Variants in IMPG2 observed in about 807,000 individuals in gnomAD.
IMPG2 encodes the protein interphotoreceptor matrix proteoglycan 2, also known as IPM 200.
Under a neutral mutation model 129.2 loss-of-function variants are expected in IMPG2, and 91 were observed. That is an observed-to-expected ratio of 0.70 (90% CI 0.59 to 0.84). The LOEUF (loss-of-function observed/expected upper bound fraction) is 0.84, where lower values mean the gene tolerates loss of function less well. Among genes scored for constraint, IMPG2 ranks in the 40% least tolerant of loss-of-function variants. The pLI is 0.00. For missense variants in IMPG2, 1,430 were observed against 1,461.7 expected, an observed-to-expected ratio of 0.98 and a Z score of 0.35; for synonymous variants, 510 against 517.7, an observed-to-expected ratio of 0.99 and a Z score of 0.20.
At chr3:101,274,637 G>T (rs1706822180) in intron 6 of IMPG2, among the ~76,000 whole-genome samples, 1 of 152,078 alleles carries the variant, frequency 6.6e-6, no homozygotes, top group South Asian at 2.1e-4. Flanking sequence ...TCTATAAATT[G>T]GCTTAAATCC....
intron 17 of IMPG2, 21 bp from the exon 18 acceptor site, chr3:101,228,897 T>C (rs370208536): frequency 1.9e-6 from 3 of 1,564,446 alleles, no homozygotes; most frequent in East Asian, 2.2e-5. Flanking sequence ...AAAGAAACAA[T>C]AGGCCACACA....
chr3:101,227,968 T>C, intron 18 of IMPG2: 2 of 397,450 alleles, frequency 5.0e-6, no homozygotes, highest in Non-Finnish European at 1.0e-5. Context: ...CATGAATTGC[T>C]CTGATTTTTC....
intron 2 of IMPG2, among the ~76,000 whole-genome samples, chr3:101,309,080 C>T (rs1256435015): frequency 6.6e-6 from 1 of 152,186 alleles, no homozygotes; most frequent in East Asian, 1.9e-4. Context: ...CATGTGAGAC[C>T]TCCTCAGCCT....
Position 101,225,259 on chromosome 3 carries a change from T to C in IMPG2, c.*1710A>G, listed in dbSNP as rs1706207832. 6.6e-6 allele frequency: 1 copy of C among 152,252 alleles called. No individual in the cohort carries two copies. The highest frequency in any genetic ancestry group is 2.1e-4 in the South Asian group (1 of 4,836). The allele number at this position is 152,252 out of a possible 1,614,324, so 9.4% of individuals were successfully genotyped here. A position where few individuals can be genotyped will look rare whatever the true frequency, so the allele number is the denominator to read the frequency against. ...GTGTCTAATTATCCAATATTAAGAC[T>C]AGAACATGTCAATAAAATAGTGGAA... On this transcript the variant is annotated 3_prime_UTR_variant, in exon 19 of 19. Transcript: ENST00000193391.
intron 2 of IMPG2, among the ~76,000 whole-genome samples, chr3:101,315,619 A>G (rs2107145702): frequency 6.6e-6 from 1 of 152,294 alleles, no homozygotes; most frequent in Admixed American, 6.5e-5. Flanking sequence ...CTATGCAAAT[A>G]TTCACAAATC....
rs775572865 is a variant in IMPG2, at chr3:101,231,082, G to A, written c.3297C>T (p.Pro1099=). The A allele has an allele frequency of 8.1e-6, 13 of 1,613,916 alleles. No individual in the cohort carries two copies. The highest frequency in any genetic ancestry group is 5.0e-5 in the Admixed American group (3 of 59,986). ...AGGCAATAGTGATGCCTATGATCAC[G>A]GGCTCAGACACAAATTCCTCACAGT... ...GKHCEEFVSE[P]VIIGITIASV... Residue 1099 remains proline, a synonymous_variant, in exon 16 of 19, where the codon CCC becomes CCT. Coordinates refer to ENST00000193391, the MANE Select transcript of IMPG2 (RefSeq NM_016247.4).
In IMPG2 at chr3:101,242,787, C is replaced by T. The variant is rs765892957; in HGVS notation, c.2923G>A (p.Val975Ile). Residue 975 changes from valine (V) to isoleucine (I), a missense_variant, in exon 14 of 19, where the codon GTC becomes ATC. Coordinates refer to ENST00000193391, the MANE Select transcript of IMPG2 (RefSeq NM_016247.4). ...MKFANSVPPN[V>I]NNAVYMILED... is the part of the protein sequence containing the mutation. Reference sequence around the variant, plus strand: ...AGAATCATGTACACCGCATTGTTGACGTTAGGAGGGACAGAATTGGCAAAC... The same window carrying T: ...AGAATCATGTACACCGCATTGTTGATGTTAGGAGGGACAGAATTGGCAAAC... 1.5e-5 allele frequency: 24 copies of T among 1,613,822 alleles called. No individual in the cohort carries two copies. In the Admixed American group the frequency reaches 1.5e-4, roughly 10 times the overall value.
Position 101,223,189 on chromosome 3 carries a change from A to T in IMPG2, c.*3780T>A, listed in dbSNP as rs511575. 121,866 of 152,206 alleles carry T rather than the reference A, an allele frequency of 0.8. 48,814 individuals carry two copies. Among genetic ancestry groups the T allele is most frequent in the Admixed American group, 0.83 (12,672 of 15,300 alleles). The allele number at this position is 152,206 out of a possible 1,614,324, so 9.4% of individuals were successfully genotyped here. ...AATACAATGCAATGGATTTGAGAAT[A>T]GTGACCGTCACATCATTTTTCTGCA... On this transcript the variant is annotated 3_prime_UTR_variant, in exon 19 of 19. Transcript: ENST00000193391.
At position 101,244,691 on chromosome 3, in the gene IMPG2, G is replaced by T; in HGVS notation, c.1640C>A (p.Ser547Tyr). The change falls in exon 13 of 19, where the codon TCC (serine) becomes TAC (tyrosine). Residue 547 changes from serine (S) to tyrosine (Y), a missense_variant. Ser to Tyr is a moderately radical substitution (Grantham distance 144). Coordinates refer to ENST00000193391, the MANE Select transcript of IMPG2 (RefSeq NM_016247.4). ...TAAGGACACATCAGAGTCTTCCATGGATGGTATTGTTTCTTTTGGCACAGG... is the reference window on the plus strand; with the variant it reads ...TAAGGACACATCAGAGTCTTCCATGTATGGTATTGTTTCTTTTGGCACAGG... ...TQPVPKETIP[S>Y]MEDSDVSLTS... The T allele has an allele frequency of 6.2e-7, 1 of 1,614,102 alleles. No individual in the cohort carries two copies. Among genetic ancestry groups the T allele is most frequent in the Non-Finnish European group, 8.5e-7 (1 of 1,179,936 alleles).
At chr3:101,292,596 T>C (rs189334519) in intron 3 of IMPG2, among the ~76,000 whole-genome samples, 1 of 152,354 alleles carries the variant, frequency 6.6e-6, no homozygotes, top group Admixed American at 6.5e-5. Flanking sequence ...ATCAGAATGA[T>C]GGCTGCTGAT....
intron 9 of IMPG2, among the ~76,000 whole-genome samples, chr3:101,266,417 T>C (rs1706720737): frequency 6.6e-6 from 1 of 152,172 alleles, no homozygotes; most frequent in African/African-American, 2.4e-5. Context: ...TTCTTCCCAG[T>C]CTCAAGTTGT....
intron 7 of IMPG2, among the ~76,000 whole-genome samples, chr3:101,270,285 A>G (rs1007589954): frequency 5.3e-5 from 8 of 152,242 alleles, no homozygotes; most frequent in African/African-American, 1.9e-4. Context: ...ACTGAAAAAC[A>G]GTCTAGTGTT....
intron 16 of IMPG2, 60 bp from the exon 17 acceptor site, chr3:101,229,650 T>A: frequency 2.1e-6 from 3 of 1,409,404 alleles, no homozygotes; most frequent in Non-Finnish European, 3.0e-6. Flanking sequence ...TGTGGAAGAC[T>A]ATTTACCTGG....
In IMPG2 at chr3:101,257,771, C is replaced by T. The variant is rs749723076; in HGVS notation, c.911G>A (p.Gly304Asp). 1.2e-5 allele frequency: 19 copies of T among 1,612,768 alleles called. No individual in the cohort carries two copies. The highest frequency in any genetic ancestry group is 8.5e-7 in the Non-Finnish European group (1 of 1,179,224). The stretch of plus-strand genomic sequence containing the variant: ...GGTAACTGCATAGTAAACATCTACG[C>T]CACTATGGATGGAAAGAGAGAACAG... Reference protein sequence around the residue: ...EFRSPKENDSGVDVYYAVTFN... With the variant: ...EFRSPKENDSDVDVYYAVTFN... The change falls in exon 10 of 19, where the codon GGC (glycine) becomes GAC (aspartate). Residue 304 changes from glycine to aspartate, a missense_variant and splice_region_variant. Gly to Asp is a moderately conservative substitution (Grantham distance 94, BLOSUM62 -1). Coordinates refer to ENST00000193391, the MANE Select transcript of IMPG2 (RefSeq NM_016247.4).
chr3:101,258,784 A>T (rs555943426), intron 9 of IMPG2, among the ~76,000 whole-genome samples: 110 of 152,294 alleles, frequency 7.2e-4, no homozygotes, highest in African/African-American at 2.4e-3. Context: ...TTTTGGAGAA[A>T]TAACATCAGA....
chr3:101,251,346 A>T (rs1449331275), intron 11 of IMPG2, among the ~76,000 whole-genome samples: 1 of 152,216 alleles, frequency 6.6e-6, no homozygotes, highest in Non-Finnish European at 1.5e-5. Flanking sequence ...GAAAGTAAAC[A>T]ACTTGACTTT....
At chr3:101,273,878 T>C in intron 6 of IMPG2, 136 bp from the exon 7 acceptor site, 5 of 857,086 alleles carry the variant, frequency 5.8e-6, no homozygotes, top group Non-Finnish European at 9.2e-6. Context: ...GTATTTGACT[T>C]TGGAACAAAT....
Position 101,257,774 on chromosome 3 carries a change from C to T in IMPG2, c.909-1G>A. ...AACTGCATAGTAAACATCTACGCCA[C>T]TATGGATGGAAAGAGAGAACAGGTT... On this transcript the variant is annotated splice_acceptor_variant, in intron 9 of 18. Coordinates refer to ENST00000193391, the MANE Select transcript of IMPG2 (RefSeq NM_016247.4). LOFTEE classifies it high-confidence loss of function. 6.2e-7 allele frequency: 1 copy of T among 1,612,878 alleles called. No individual in the cohort carries two copies. The highest frequency in any genetic ancestry group is 8.5e-7 in the Non-Finnish European group (1 of 1,179,200).
At chr3:101,305,353 C>A (rs1707177865) in intron 2 of IMPG2, among the ~76,000 whole-genome samples, 1 of 152,026 alleles carries the variant, frequency 6.6e-6, no homozygotes, top group Non-Finnish European at 1.5e-5. Flanking sequence ...ATAGGAGGAG[C>A]ATAGCAGATT....
Sources: gnomAD v4.1 joint callset for allele counts (sites outside exome capture counted in the v4.1 genomes callset) on GRCh38, gnomAD v4.1.1 for gene constraint, MANE v1.5 for transcripts, NCBI Gene and HGNC (gene_info 2026-07-23, HGNC 2026-07-21) for gene names.